The following CDK19 variants were observed in gnomAD, a reference collection of about 807,000 sequenced individuals.
CDK19 encodes the protein cyclin dependent kinase 19.
Under a neutral mutation model 68.3 loss-of-function variants are expected in CDK19, and 20 were observed. That is an observed-to-expected ratio of 0.29 (90% confidence interval 0.21 to 0.43). CDK19 has a LOEUF of 0.43. Ranked by LOEUF, CDK19 falls within the 20% of genes least tolerant of loss-of-function variation. The probability of loss-of-function intolerance (pLI) is 1.00; values close to 1 mark genes in which losing one functional copy is unlikely to be tolerated. For missense variants in CDK19, 339 were observed against 623.5 expected, an observed-to-expected ratio of 0.54 and a Z score of 4.86; for synonymous variants, 221 against 222.8, an observed-to-expected ratio of 0.99 and a Z score of 0.07.
At chr6:110,730,531 G>C (rs1776669390) in intron 2 of CDK19, among the ~76,000 whole-genome samples, 1 of 152,206 alleles carries the variant, frequency 6.6e-6, no homozygotes, top group African/African-American at 2.4e-5. Context: ...CATGTAGATA[G>C]TTACGATGTA....
intron 4 of CDK19, among the ~76,000 whole-genome samples, chr6:110,658,071 G>A (rs1781412883): frequency 6.6e-6 from 1 of 152,214 alleles, no homozygotes; most frequent in South Asian, 2.1e-4. Context: ...ACACATGTAA[G>A]GTGTGTGTCA....
chr6:110,690,652 G>C (rs1310619593), intron 2 of CDK19, among the ~76,000 whole-genome samples: 2 of 152,138 alleles, frequency 1.3e-5, no homozygotes, highest in Non-Finnish European at 2.9e-5. Flanking sequence ...AGCTTCAAGA[G>C]ACCACTGCCA....
chr6:110,743,159 A>G (rs1164207140), intron 2 of CDK19, among the ~76,000 whole-genome samples: 2 of 152,210 alleles, frequency 1.3e-5, no homozygotes, highest in Non-Finnish European at 2.9e-5. Flanking sequence ...AACAATAATT[A>G]TAAAATTGTG....
intron 2 of CDK19, 50 bp downstream of exon 2, chr6:110,746,076 A>T: frequency 1.1e-6 from 1 of 884,474 alleles, no homozygotes; most frequent in East Asian, 2.7e-5. Context: ...AAAATAAATC[A>T]TCACCCAATA....
chr6:110,735,184 C>T (rs1189013292), intron 2 of CDK19, among the ~76,000 whole-genome samples: 4 of 151,482 alleles, frequency 2.6e-5, no homozygotes, highest in East Asian at 3.9e-4. Context: ...TGAGCTCAAG[C>T]GATCCTCTTG....
intron 1 of CDK19, among the ~76,000 whole-genome samples, chr6:110,790,425 C>A (rs1781508135): frequency 6.6e-6 from 1 of 152,076 alleles, no homozygotes; most frequent in Non-Finnish European, 1.5e-5. Context: ...ATCCCAGCTA[C>A]TGGGGAGGCT....
At chr6:110,754,033 CT>C (rs751347932) in intron 1 of CDK19, among the ~76,000 whole-genome samples, 7,304 of 138,582 alleles carry the variant, frequency 0.053, 164 homozygotes, top group Middle Eastern at 0.093. Flanking sequence ...TTGGCAAATT[CT>C]TTTTTTTTTT....
intron 1 of CDK19, among the ~76,000 whole-genome samples, chr6:110,785,917 T>C (rs1381647819): frequency 6.6e-6 from 1 of 151,552 alleles, no homozygotes; most frequent in African/African-American, 2.4e-5. Flanking sequence ...GAGGCAGAGA[T>C]TGTCGTGAGT....
intron 1 of CDK19, among the ~76,000 whole-genome samples, chr6:110,753,340 G>A (rs1424788407): frequency 6.6e-6 from 1 of 151,764 alleles, no homozygotes; most frequent in Non-Finnish European, 1.5e-5. Flanking sequence ...TAAAATTTTA[G>A]AAATCTCTAT....
At chr6:110,802,878 C>T (rs904677622) in intron 1 of CDK19, among the ~76,000 whole-genome samples, 1 of 152,162 alleles carries the variant, frequency 6.6e-6, no homozygotes, top group Non-Finnish European at 1.5e-5. Flanking sequence ...CACAAAATTG[C>T]TCAGCTTCTC....
intron 1 of CDK19, among the ~76,000 whole-genome samples, chr6:110,804,655 A>T (rs1289187217): frequency 6.8e-6 from 1 of 147,654 alleles, no homozygotes; most frequent in African/African-American, 2.5e-5. Context: ...CAAGTTAAAG[A>T]TATTTTATAA....
chr6:110,815,380 A>G lies in CDK19; in HGVS notation c.-244T>C. ...GACGGCGGCGGCGGCTCCCGCAGGC[A>G]CCCCCAGTCCCGCCTCCCTCCTTCA... On this transcript the variant is annotated 5_prime_UTR_variant, in exon 1 of 13. Transcript: ENST00000368911. 1 of 367,752 alleles carries G rather than the reference A, an allele frequency of 2.7e-6. No individual in the cohort carries two copies. The allele number at this position is 367,752 out of a possible 1,614,324, so 22.8% of individuals were successfully genotyped here. A position where few individuals can be genotyped will look rare whatever the true frequency, so the allele number is the denominator to read the frequency against.
At chr6:110,617,813 C>T (rs748188539) in intron 12 of CDK19, among the ~76,000 whole-genome samples, 33 of 127,624 alleles carry the variant, frequency 2.6e-4, no homozygotes, top group African/African-American at 8.4e-4. Flanking sequence ...GCCAAGATCA[C>T]GTCACCGCAC....
At chr6:110,761,636 T>TA (rs80140435) in intron 1 of CDK19, among the ~76,000 whole-genome samples, 23,758 of 151,982 alleles carry the variant, frequency 0.16, 2,057 homozygotes, top group East Asian at 0.32. Context: ...GGACTAGAGA[T>TA]AGAGATGTGA....
At chr6:110,764,423 A>G (rs535840466) in intron 1 of CDK19, among the ~76,000 whole-genome samples, 28 of 152,234 alleles carry the variant, frequency 1.8e-4, no homozygotes, top group African/African-American at 3.4e-4. Context: ...GATCAATGGA[A>G]CAGAATAGAG....
intron 1 of CDK19, among the ~76,000 whole-genome samples, chr6:110,805,041 A>G (rs1350775903): frequency 6.6e-6 from 1 of 152,080 alleles, no homozygotes; most frequent in African/African-American, 2.4e-5. Flanking sequence ...ATAAGAACTC[A>G]AACCCTCAAT....
At chr6:110,761,309 C>A (rs911787167) in intron 1 of CDK19, among the ~76,000 whole-genome samples, 46 of 152,110 alleles carry the variant, frequency 3.0e-4, no homozygotes, top group African/African-American at 1.1e-3. Flanking sequence ...GGTTAAGAGG[C>A]CTTTGCAAAT....
chr6:110,804,985 T>G (rs111594536), intron 1 of CDK19, among the ~76,000 whole-genome samples: 2 of 152,070 alleles, frequency 1.3e-5, no homozygotes, highest in African/African-American at 4.8e-5. Context: ...ACCTGTTATT[T>G]GAGGACTTTA....
At chr6:110,625,291 T>C (rs905031613) in intron 8 of CDK19, among the ~76,000 whole-genome samples, 3 of 152,102 alleles carry the variant, frequency 2.0e-5, no homozygotes, top group Non-Finnish European at 4.4e-5. Context: ...GTTTGAGAAG[T>C]ACTCATCCTC....
Sources: gnomAD v4.1 joint callset for allele counts (sites outside exome capture counted in the v4.1 genomes callset) on GRCh38, gnomAD v4.1.1 for gene constraint, MANE v1.5 for transcripts, NCBI Gene and HGNC (gene_info 2026-07-23, HGNC 2026-07-21) for gene names.